GSTZ1: variants seen among roughly 807,000 people sequenced by gnomAD.
GSTZ1 encodes the protein maleylacetoacetate isomerase.
Under a neutral mutation model 35.9 loss-of-function variants are expected in GSTZ1, and 34 were observed. The ratio of observed to expected loss-of-function variants is 0.95; its 90% CI spans 0.72 to 1.26. The LOEUF (loss-of-function observed/expected upper bound fraction) is 1.26. Ranked by LOEUF, GSTZ1 falls within the 50% of genes most tolerant of loss-of-function variation. The pLI is 0.00. For missense variants in GSTZ1, 263 were observed against 271.7 expected, an observed-to-expected ratio of 0.97 and a Z score of 0.23; for synonymous variants, 93 against 101.2, an observed-to-expected ratio of 0.92 and a Z score of 0.49.
At chr14:77,327,647 C>G (rs966834462) in intron 4 of GSTZ1, 95 bp downstream of exon 4, 16 of 882,194 alleles carry the variant, frequency 1.8e-5, no homozygotes, top group Non-Finnish European at 2.8e-5. Context: ...GTCAAGGTGC[C>G]TAGCACATAG....
intron 1 of GSTZ1, chr14:77,322,793 C>A: frequency 1.4e-6 from 1 of 735,034 alleles, no homozygotes; most frequent in Non-Finnish European, 1.7e-6. Context: ...GGCCTAGGTT[C>A]CCACTTACAC....
chr14:77,331,088 C>G lies in GSTZ1; in HGVS notation c.544C>G (p.Pro182Ala), dbSNP rs1230753385. 4 of 1,613,772 alleles carry G rather than the reference C, an allele frequency of 2.5e-6. No homozygotes were observed. In the East Asian group the frequency reaches 6.7e-5, roughly 27 times the overall value. ...NAERFKVDLT[P>A]YPTISSINKR... is the part of the protein sequence containing the mutation. ...CTACAGATTCAAGGTGGATCTCACC[C>G]CCTACCCTACCATCAGCTCCATCAA... Residue 182 changes from proline to alanine, a missense_variant, in exon 9 of 9, where the codon CCC becomes GCC. Pro to Ala is a conservative substitution (Grantham distance 27). Coordinates refer to ENST00000216465, the MANE Select transcript of GSTZ1 (RefSeq NM_145870.3).
At position 77,330,487 on chromosome 14, in the gene GSTZ1, CA is replaced by C. The variant is rs1416616661; in HGVS notation, c.524+129del. ...CCAAGGAGCCCACCATGCCAGGCCA[CA>C]TAGCCACTTCTGCCTGGAAGAGGGC... is the stretch of plus-strand genomic sequence containing the variant. On this transcript the variant is annotated intron_variant, in intron 8 of 8. Transcript: ENST00000216465. The C allele has an allele frequency of 5.1e-6, 4 of 780,188 alleles. No individual in the cohort carries two copies. In the Admixed American group the frequency reaches 7.3e-5, roughly 14 times the overall value. 48.3% of individuals were successfully genotyped at this position (780,188 alleles called of 1,614,324 possible).
At chr14:77,326,120 A>G (rs1047294776) in intron 2 of GSTZ1, 13 of 152,258 alleles carry the variant, frequency 8.5e-5, no homozygotes, top group African/African-American at 3.1e-4. Flanking sequence ...TGTAATACAC[A>G]CATGCATGCA....
chr14:77,321,036 C>CT lies in GSTZ1; in HGVS notation c.-132dup. 2.9e-6 allele frequency: 3 copies of CT among 1,025,366 alleles called. No homozygotes were observed. Among genetic ancestry groups the CT allele is most frequent in the Middle Eastern group, 3.2e-4 (1 of 3,098 alleles). The allele number at this position is 1,025,366 out of a possible 1,614,324, so 63.5% of individuals were successfully genotyped here. A position where few individuals can be genotyped will look rare whatever the true frequency, so the allele number is the denominator to read the frequency against. On this transcript the variant is annotated 5_prime_UTR_variant, in exon 1 of 9. Coordinates refer to ENST00000216465, the MANE Select transcript of GSTZ1 (RefSeq NM_145870.3). Reference sequence around the variant, plus strand: ...GCCAGAGGCGACCGGAAGGATCTTTCTAGTCCAGCCCCTCGCTTTACCCGG... The same window carrying CT: ...GCCAGAGGCGACCGGAAGGATCTTTCTTAGTCCAGCCCCTCGCTTTACCCGG...
rs1461698491 is a variant in GSTZ1 at position 77,324,659 on chromosome 14, G to A, written c.16-211G>A. On this transcript the variant is annotated intron_variant, in intron 1 of 8. Coordinates refer to ENST00000216465, the MANE Select transcript of GSTZ1 (RefSeq NM_145870.3). ...ACTCTCAGGCTAGCTGCCCCTTTGG[G>A]GGCCTCTTGGACCTCAGGAGCTCAA... The A allele has an allele frequency of 2.1e-6, 3 of 1,441,610 alleles. No homozygotes were observed. In the Admixed American group the frequency reaches 5.9e-5, roughly 28 times the overall value. The allele number at this position is 1,441,610 out of a possible 1,614,324, so 89.3% of individuals were successfully genotyped here. A position where few individuals can be genotyped will look rare whatever the true frequency, so the allele number is the denominator to read the frequency against.
At chr14:77,321,321 C>G (rs1396687254) in intron 1 of GSTZ1, 138 bp downstream of exon 1, 1 of 1,529,786 alleles carries the variant, frequency 6.5e-7, no homozygotes. Flanking sequence ...CGGGCACGCT[C>G]TGCGCCTGCG....
chr14:77,327,854 C>T, intron 4 of GSTZ1, 58 bp from the exon 5 acceptor site: 1 of 1,565,454 alleles, frequency 6.4e-7, no homozygotes, highest in South Asian at 1.1e-5. Context: ...CTGGCCCTGT[C>T]CCCTCTGGTC....
rs8177542 is a variant in GSTZ1 at position 77,322,406 on chromosome 14, G to C, written c.15+1223G>C. The C allele has an allele frequency of 2.9e-3, 470 of 162,578 alleles. 5 individuals carry two copies. Among genetic ancestry groups the C allele is most frequent in the African/African-American group, 0.011 (459 of 41,758 alleles). The allele number at this position is 162,578 out of a possible 1,614,324, so 10.1% of individuals were successfully genotyped here. On this transcript the variant is annotated intron_variant, in intron 1 of 8. Transcript: ENST00000216465. Reference sequence around the variant, plus strand: ...GAGATTTCAGGTTTCCTGCTTGTGGGTCGTGACGGAGGGCAGCAGCATTTA... The same window carrying C: ...GAGATTTCAGGTTTCCTGCTTGTGGCTCGTGACGGAGGGCAGCAGCATTTA...
chr14:77,321,636 C>G (rs1891988810), intron 1 of GSTZ1: 1 of 728,162 alleles, frequency 1.4e-6, no homozygotes, highest in African/African-American at 1.9e-5. Context: ...GTAATCCCAG[C>G]ACTTTGGGAG....
intron 1 of GSTZ1, 171 bp downstream of exon 1, chr14:77,321,354 C>A: frequency 6.5e-7 from 1 of 1,532,274 alleles, no homozygotes; most frequent in South Asian, 1.2e-5. Context: ...CCCGCTGGGG[C>A]TCGAAGTTCC....
rs1480557008 is a variant in GSTZ1, at chr14:77,331,436, T to C, written c.*241T>C. The C allele has an allele frequency of 8.7e-6, 4 of 460,580 alleles. No homozygotes were observed. The Admixed American group carries it at 1.4e-4, about 16-fold the overall frequency. 28.5% of individuals were successfully genotyped at this position (460,580 alleles called of 1,614,324 possible). ...TACTGTTATCTATGTGACGGGGCAG[T>C]CGTGAGGCTGAGATGAGAATGCGGA... On this transcript the variant is annotated 3_prime_UTR_variant, in exon 9 of 9. Coordinates refer to ENST00000216465, the MANE Select transcript of GSTZ1 (RefSeq NM_145870.3).
chr14:77,326,597 A>C, intron 2 of GSTZ1: 1 of 479,890 alleles, frequency 2.1e-6, no homozygotes, highest in Non-Finnish European at 3.8e-6. Flanking sequence ...GGGGGTCCAG[A>C]TCTTGAGGTC....
rs1056416311 is a variant in GSTZ1 at position 77,324,867 on chromosome 14, C to G, written c.16-3C>G. 2 of 1,613,972 alleles carry G rather than the reference C, an allele frequency of 1.2e-6. No individual in the cohort carries two copies. The highest frequency in any genetic ancestry group is 1.7e-6 in the Non-Finnish European group (2 of 1,179,764). ...CACGCGCCTTCATCCTCTCTCTCCT[C>G]AGCCCATCCTCTATTCCTATTTCCG... On this transcript the variant is annotated splice_polypyrimidine_tract_variant and splice_region_variant and intron_variant, in intron 1 of 8. Transcript: ENST00000216465.
At chr14:77,324,292 A>T (rs1462105340) in intron 1 of GSTZ1, 1 of 396,384 alleles carries the variant, frequency 2.5e-6, no homozygotes, top group Non-Finnish European at 4.8e-6. Context: ...ACAGGCACCC[A>T]CTACCACACC....
intron 7 of GSTZ1, 150 bp from the exon 8 acceptor site, chr14:77,330,160 G>C: frequency 1.3e-6 from 1 of 781,466 alleles, no homozygotes; most frequent in Non-Finnish European, 2.3e-6. Flanking sequence ...ACTCATGCAG[G>C]CCTAGGGCAG....
chr14:77,330,547 A>G (rs1206039409), intron 8 of GSTZ1, among the ~76,000 whole-genome samples, 188 bp downstream of exon 8: 1 of 152,168 alleles, frequency 6.6e-6, no homozygotes, highest in Non-Finnish European at 1.5e-5. Context: ...TACTACGCCC[A>G]CCACAGCCCA....
intron 5 of GSTZ1, chr14:77,328,698 G>C (rs1892459943): frequency 5.3e-6 from 1 of 187,254 alleles, no homozygotes; most frequent in African/African-American, 2.4e-5. Context: ...AGCCAGGCTG[G>C]AAATCTCTGG....
rs535308592 is a variant in GSTZ1 at position 77,329,076 on chromosome 14, C to T, written c.343-47C>T. ...GAGGGGGTTTGGCGAAGGGGTAGCC[C>T]CCACCCAGCTGTCAGCGCAATCACA... On this transcript the variant is annotated intron_variant, in intron 5 of 8. Transcript: ENST00000216465. The T allele has an allele frequency of 4.2e-4, 567 of 1,354,044 alleles. 4 individuals are homozygous for T. The South Asian group carries it at 6.3e-3, about 15-fold the overall frequency. The allele number at this position is 1,354,044 out of a possible 1,614,324, so 83.9% of individuals were successfully genotyped here. A position where few individuals can be genotyped will look rare whatever the true frequency, so the allele number is the denominator to read the frequency against.
Sources: gnomAD v4.1 joint callset for allele counts (sites outside exome capture counted in the v4.1 genomes callset) on GRCh38, gnomAD v4.1.1 for gene constraint, MANE v1.5 for transcripts, NCBI Gene and HGNC (gene_info 2026-07-23, HGNC 2026-07-21) for gene names.